Variants in PDCD4 observed in about 807,000 individuals in gnomAD.
The protein encoded by PDCD4 is programmed cell death 4.
A neutral mutation model predicts 54.0 loss-of-function variants in PDCD4; 56 were observed. The observed-to-expected ratio is 1.04, with a 90% CI of 0.84 to 1.30. PDCD4 has a LOEUF of 1.30. Ranked by LOEUF, PDCD4 falls within the 50% of genes most tolerant of loss-of-function variation. The pLI, the probability that PDCD4 is intolerant of heterozygous loss-of-function variation, is 0.00. For synonymous variants in PDCD4, 186 were observed against 194.8 expected, an observed-to-expected ratio of 0.95 and a Z score of 0.37; for missense variants, 584 against 559.8, an observed-to-expected ratio of 1.04 and a Z score of -0.44.
intron 2 of PDCD4, chr10:110,880,343 T>G (rs1018724313): frequency 2.6e-5 from 4 of 152,228 alleles, no homozygotes; most frequent in Non-Finnish European, 2.9e-5. Context: ...GAAGTTTTAA[T>G]GCAGGGAGTA....
chr10:110,878,184 CAGTT>C (rs1401940895), intron 2 of PDCD4, among the ~76,000 whole-genome samples: 3 of 152,136 alleles, frequency 2.0e-5, no homozygotes, highest in Admixed American at 6.5e-5. Flanking sequence ...GGAACTCCAA[CAGTT>C]AGGTGAGTAT....
At chr10:110,884,321 C>T (rs1306984069) in intron 4 of PDCD4, among the ~76,000 whole-genome samples, 4 of 152,158 alleles carry the variant, frequency 2.6e-5, no homozygotes, top group East Asian at 1.9e-4. Context: ...AAGGCATCCT[C>T]GGACGGGGCT....
At chr10:110,878,970 T>C (rs1845549229) in intron 2 of PDCD4, among the ~76,000 whole-genome samples, 1 of 152,248 alleles carries the variant, frequency 6.6e-6, no homozygotes, top group Admixed American at 6.5e-5. Flanking sequence ...CTGATGGTTA[T>C]GATGATGTCC....
intron 2 of PDCD4, among the ~76,000 whole-genome samples, chr10:110,878,344 C>T (rs1203808603): frequency 1.3e-5 from 2 of 152,054 alleles, no homozygotes; most frequent in African/African-American, 2.4e-5. Flanking sequence ...AAAGAAAACT[C>T]GATTATGGGA....
chr10:110,872,544 C>T (rs1000654350), intron 1 of PDCD4, among the ~76,000 whole-genome samples: 1 of 152,176 alleles, frequency 6.6e-6, no homozygotes, highest in African/African-American at 2.4e-5. Context: ...GGCCCAGCCC[C>T]TTCCGGGGGC....
At chr10:110,880,145 G>T (rs529461601) in intron 2 of PDCD4, among the ~76,000 whole-genome samples, 2 of 152,322 alleles carry the variant, frequency 1.3e-5, no homozygotes, top group East Asian at 3.9e-4. Flanking sequence ...TGGAATTTGA[G>T]TATGAAGGAC....
chr10:110,898,026 A>G lies in PDCD4; in HGVS notation c.1350-2A>G, dbSNP rs1472674442. 1.9e-6 allele frequency: 3 copies of G among 1,581,666 alleles called. No individual in the cohort carries two copies. Among genetic ancestry groups the G allele is most frequent in the East Asian group, 2.3e-5 (1 of 44,208 alleles). On this transcript the variant is annotated splice_acceptor_variant, in intron 11 of 11. Transcript: ENST00000280154. LOFTEE classifies it high-confidence loss of function. ...TCATGTCTTTTTTTTTCTTCATTAC[A>G]GGGGCAGAAAGCGTTTTGTAAGCGA...
intron 2 of PDCD4, among the ~76,000 whole-genome samples, chr10:110,876,416 A>G (rs999824635): frequency 2.0e-5 from 3 of 152,246 alleles, no homozygotes; most frequent in African/African-American, 7.2e-5. Context: ...TCATGCTGTA[A>G]GAAAACAGGC....
At chr10:110,876,678 C>T (rs1845510333) in intron 2 of PDCD4, 1 of 1,162,990 alleles carries the variant, frequency 8.6e-7, no homozygotes, top group Non-Finnish European at 1.1e-6. Context: ...AGGGTATTTT[C>T]CCTAATTCTC....
chr10:110,872,942 G>A (rs1295101246), intron 1 of PDCD4, among the ~76,000 whole-genome samples: 1 of 152,160 alleles, frequency 6.6e-6, no homozygotes, highest in Non-Finnish European at 1.5e-5. Flanking sequence ...CAACTGTGTA[G>A]TGTCTACAAA....
In PDCD4 at chr10:110,898,396, C is replaced by A. The variant is rs940800810; in HGVS notation, c.*308C>A. The stretch of plus-strand genomic sequence containing the variant: ...TTCCAAGTTTTGCATTGATGTCTGA[C>A]TGCCACTCCTTTCTTTCAAGGACAG... On this transcript the variant is annotated 3_prime_UTR_variant, in exon 12 of 12. Coordinates refer to ENST00000280154, the MANE Select transcript of PDCD4 (RefSeq NM_014456.5). 11 of 210,024 alleles carry A rather than the reference C, an allele frequency of 5.2e-5. No homozygotes were observed. The highest frequency in any genetic ancestry group is 2.5e-4 in the African/African-American group (11 of 43,640). 13.0% of individuals were successfully genotyped at this position (210,024 alleles called of 1,614,324 possible).
rs1280489142 is a variant in PDCD4, at chr10:110,898,734, G to A, written c.*646G>A. 1 of 152,558 alleles carries A rather than the reference G, an allele frequency of 6.6e-6. No individual in the cohort carries two copies. The highest frequency in any genetic ancestry group is 1.5e-5 in the Non-Finnish European group (1 of 68,016). The allele number at this position is 152,558 out of a possible 1,614,324, so 9.5% of individuals were successfully genotyped here. On this transcript the variant is annotated 3_prime_UTR_variant, in exon 12 of 12. Coordinates refer to ENST00000280154, the MANE Select transcript of PDCD4 (RefSeq NM_014456.5). Reference sequence around the variant, plus strand: ...TGTACACCAAAATAAAACATGTGAAGCAGTATTGATTCTTTATTGGGAGTA... The same window carrying A: ...TGTACACCAAAATAAAACATGTGAAACAGTATTGATTCTTTATTGGGAGTA...
chr10:110,877,096 A>G (rs1318354787), intron 2 of PDCD4, among the ~76,000 whole-genome samples: 1 of 152,216 alleles, frequency 6.6e-6, no homozygotes. Flanking sequence ...ATTGAAAAAA[A>G]TTTATGTAAT....
At chr10:110,890,065 C>G (rs2135214162) in intron 7 of PDCD4, among the ~76,000 whole-genome samples, 1 of 152,228 alleles carries the variant, frequency 6.6e-6, no homozygotes, top group African/African-American at 2.4e-5. Flanking sequence ...CTTTTTCACT[C>G]TTGTGATTTA....
At chr10:110,891,505 C>T (rs1424519207) in intron 8 of PDCD4, among the ~76,000 whole-genome samples, 1 of 137,162 alleles carries the variant, frequency 7.3e-6, no homozygotes, top group East Asian at 2.2e-4. Context: ...TGTCCTATAA[C>T]AAGAAACCAA....
rs1399213623 is a variant in PDCD4 at position 110,898,348 on chromosome 10, G to C, written c.*260G>C. 2 of 285,472 alleles carry C rather than the reference G, an allele frequency of 7.0e-6. No individual in the cohort carries two copies. The highest frequency in any genetic ancestry group is 1.3e-5 in the Non-Finnish European group (2 of 155,898). 17.7% of individuals were successfully genotyped at this position (285,472 alleles called of 1,614,324 possible). ...TATTCTAATAAGCTACCTTTTGTAA[G>C]TGCCATGTTTATTATCTAATCATTC... On this transcript the variant is annotated 3_prime_UTR_variant, in exon 12 of 12. Transcript: ENST00000280154.
chr10:110,887,793 G>A lies in PDCD4; in HGVS notation c.684G>A (p.Gly228=), dbSNP rs1412139833. ...CTAAGCTTCTTTCTGACCTTTGTGG[G>A]ACAGTAATGAGCACAACTGATGTGG... is the stretch of plus-strand genomic sequence containing the variant. ...MTSKLLSDLC[G]TVMSTTDVEK... Residue 228 remains glycine (G), a synonymous_variant, in exon 6 of 12, where the codon GGG becomes GGA. Transcript: ENST00000280154. 1.9e-6 allele frequency: 3 copies of A among 1,613,560 alleles called. No homozygotes were observed. The African/African-American group carries it at 4.0e-5, about 22-fold the overall frequency.
At chr10:110,882,959 G>C in intron 3 of PDCD4, 44 bp from the exon 4 acceptor site, 1 of 1,123,188 alleles carries the variant, frequency 8.9e-7, no homozygotes, top group East Asian at 2.4e-5. Context: ...TCAACAAATT[G>C]ATGAATTTTG....
At chr10:110,891,559 G>A (rs1845757400) in intron 8 of PDCD4, among the ~76,000 whole-genome samples, 1 of 151,698 alleles carries the variant, frequency 6.6e-6, no homozygotes, top group South Asian at 2.1e-4. Flanking sequence ...TTAAGAAAAG[G>A]CATGCAACTA....
Sources: allele counts gnomAD v4.1 joint callset (sites outside exome capture counted in the v4.1 genomes callset), GRCh38; gene constraint gnomAD v4.1.1; transcripts MANE v1.5; gene names NCBI Gene and HGNC (gene_info 2026-07-23, HGNC 2026-07-21).